KCNIP4: variants seen among roughly 807,000 people sequenced by gnomAD.
KCNIP4 encodes potassium voltage-gated channel interacting protein 4.
In KCNIP4, 12 loss-of-function variants were observed where a neutral mutation model predicts 34.0. The observed-to-expected ratio is 0.35, with a 90% CI of 0.23 to 0.57. The LOEUF (loss-of-function observed/expected upper bound fraction) is 0.57. Among genes scored for constraint, KCNIP4 ranks in the 20% least tolerant of loss-of-function variants. The pLI, the probability that KCNIP4 is intolerant of heterozygous loss-of-function variation, is 0.83. For synonymous variants in KCNIP4, 124 were observed against 102.2 expected (o/e 1.21, Z -1.29); for missense variants, 238 against 311.7 (o/e 0.76, Z 1.78).
chr4:21,239,101 C>T (rs933135027), intron 1 of KCNIP4, among the ~76,000 whole-genome samples: 1 of 151,936 alleles, frequency 6.6e-6, no homozygotes, highest in South Asian at 2.1e-4. Flanking sequence ...CTTTGACAAA[C>T]CTGACAAAAA....
intron 1 of KCNIP4, among the ~76,000 whole-genome samples, chr4:20,958,454 C>T (rs910653154): frequency 1.3e-5 from 2 of 152,268 alleles, no homozygotes; most frequent in Non-Finnish European, 2.9e-5. Flanking sequence ...GTTACAGATT[C>T]CTCTGGAGGG....
chr4:21,858,117 C>A (rs1429628549), intron 1 of KCNIP4, among the ~76,000 whole-genome samples: 3 of 152,206 alleles, frequency 2.0e-5, no homozygotes, highest in African/African-American at 4.8e-5. Flanking sequence ...ACAACCCTCA[C>A]CACTTCAGTC....
At chr4:21,556,920 C>CAAAAAAAAAAAAAAA (rs1281543089) in intron 1 of KCNIP4, among the ~76,000 whole-genome samples, 6 of 35,648 alleles carry the variant, frequency 1.7e-4, no homozygotes, top group East Asian at 1.3e-3. Flanking sequence ...GACTCCATCT[C>CAAAAAAAAAAAAAAA]AGAAAAAAAA....
intron 1 of KCNIP4, among the ~76,000 whole-genome samples, chr4:21,693,722 A>G (rs1173922020): frequency 1.3e-5 from 2 of 152,190 alleles, no homozygotes; most frequent in Non-Finnish European, 2.9e-5. Flanking sequence ...TCATCCGTTA[A>G]TCTAAAGCTC....
At chr4:21,800,264 A>C (rs1183636053) in intron 1 of KCNIP4, among the ~76,000 whole-genome samples, 1 of 152,216 alleles carries the variant, frequency 6.6e-6, no homozygotes, top group Non-Finnish European at 1.5e-5. Flanking sequence ...GGGCTCTGTA[A>C]CTGGCAGTTT....
intron 1 of KCNIP4, among the ~76,000 whole-genome samples, chr4:21,736,418 A>G (rs1343171260): frequency 6.6e-6 from 1 of 152,174 alleles, no homozygotes. Context: ...TATCCTCGTG[A>G]CACACAGAAT....
At chr4:21,473,767 G>A (rs1304104026) in intron 1 of KCNIP4, among the ~76,000 whole-genome samples, 1 of 150,690 alleles carries the variant, frequency 6.6e-6, no homozygotes, top group African/African-American at 2.4e-5. Flanking sequence ...GGGCTGAAGT[G>A]CAGTGGCGCA....
intron 1 of KCNIP4, among the ~76,000 whole-genome samples, chr4:21,747,839 G>T (rs1716875272): frequency 1.3e-5 from 2 of 152,016 alleles, no homozygotes; most frequent in Admixed American, 6.6e-5. Context: ...AAAGATCAAG[G>T]TGAACTCATA....
chr4:21,440,951 A>G (rs1054274902), intron 1 of KCNIP4, among the ~76,000 whole-genome samples: 1 of 152,118 alleles, frequency 6.6e-6, no homozygotes, highest in Non-Finnish European at 1.5e-5. Flanking sequence ...AAGACCTTGA[A>G]GGCTGTTTTA....
chr4:20,985,294 A>C (rs1204925533), intron 1 of KCNIP4, among the ~76,000 whole-genome samples: 2 of 152,128 alleles, frequency 1.3e-5, no homozygotes, highest in Non-Finnish European at 2.9e-5. Context: ...ATTTAAAGGG[A>C]ATTATGGGAA....
chr4:21,124,133 G>A (rs1407656133), intron 1 of KCNIP4, among the ~76,000 whole-genome samples: 1 of 151,028 alleles, frequency 6.6e-6, no homozygotes, highest in Non-Finnish European at 1.5e-5. Flanking sequence ...TATATTTTTT[G>A]TTCTGGTTTA....
chr4:21,556,241 A>T (rs543387810), intron 1 of KCNIP4, among the ~76,000 whole-genome samples: 1 of 152,232 alleles, frequency 6.6e-6, no homozygotes, highest in Non-Finnish European at 1.5e-5. Context: ...ATAATTGGTG[A>T]CCATTTTTAA....
At chr4:21,614,857 C>T (rs1484975442) in intron 1 of KCNIP4, among the ~76,000 whole-genome samples, 5 of 152,108 alleles carry the variant, frequency 3.3e-5, no homozygotes, top group Non-Finnish European at 5.9e-5. Flanking sequence ...GAGAAGCAAA[C>T]TCTGGAGCCA....
Position 21,449,125 on chromosome 4 carries a change from A to C in KCNIP4, c.61+499446T>G, listed in dbSNP as rs557880001. Among the ~76,000 whole-genome samples the C allele has an allele frequency of 2.7e-4, 41 of 152,346 alleles. No individual in the cohort carries two copies. The South Asian group carries it at 8.3e-3, about 31-fold the overall frequency. ...AGGTGCTGGTGTCAGCCCAAAGAGC[A>C]GAGGTATGGGCTGAAAGGACATAAC... On this transcript the variant is annotated intron_variant, in intron 1 of 8. Coordinates refer to ENST00000382152, the MANE Select transcript of KCNIP4 (RefSeq NM_025221.6).
At chr4:21,825,951 A>G (rs751121705) in intron 1 of KCNIP4, among the ~76,000 whole-genome samples, 1 of 152,166 alleles carries the variant, frequency 6.6e-6, no homozygotes, top group Non-Finnish European at 1.5e-5. Flanking sequence ...CCGAATAAAA[A>G]GATAGAGCCG....
intron 1 of KCNIP4, among the ~76,000 whole-genome samples, chr4:21,420,241 AT>A (rs1456834645): frequency 6.6e-6 from 1 of 152,212 alleles, no homozygotes; most frequent in Non-Finnish European, 1.5e-5. Context: ...AAAACACAAA[AT>A]TAAAATGGCG....
At chr4:21,531,857 T>G (rs1736709187) in intron 1 of KCNIP4, among the ~76,000 whole-genome samples, 1 of 152,124 alleles carries the variant, frequency 6.6e-6, no homozygotes, top group African/African-American at 2.4e-5. Context: ...ACTTTAGGTG[T>G]TAAATACATG....
rs552217719 is a variant in KCNIP4 at position 21,217,195 on chromosome 4, C to T, written c.62-334486G>A. Among the ~76,000 whole-genome samples the T allele has an allele frequency of 9.8e-5, 15 of 152,296 alleles. 1 individual carries two copies. In the East Asian group the frequency reaches 1.2e-3, roughly 12 times the overall value. Reference sequence around the variant, plus strand: ...AACTGCAGAGCTAGCATTCAAAACACTGTATTACTTGACCTACTGTTAATA... The same window carrying T: ...AACTGCAGAGCTAGCATTCAAAACATTGTATTACTTGACCTACTGTTAATA... On this transcript the variant is annotated intron_variant, in intron 1 of 8. Coordinates refer to ENST00000382152, the MANE Select transcript of KCNIP4 (RefSeq NM_025221.6).
chr4:20,929,012 AGAAATACCTGCAAACAC>A (rs1404576434), intron 1 of KCNIP4, among the ~76,000 whole-genome samples: 1 of 151,986 alleles, frequency 6.6e-6, no homozygotes, highest in Non-Finnish European at 1.5e-5. Flanking sequence ...TAGAGATAGA[AGAAATACCTGCAAACAC>A]ATTTTACAAG....
Sources: allele counts gnomAD v4.1 joint callset (sites outside exome capture counted in the v4.1 genomes callset), GRCh38; gene constraint gnomAD v4.1.1; transcripts MANE v1.5; gene names NCBI Gene and HGNC (gene_info 2026-07-23, HGNC 2026-07-21).